RGS6: variants seen among roughly 807,000 people sequenced by gnomAD.
RGS6 encodes regulator of G-protein signaling 6.
In RGS6, 30 loss-of-function variants were observed where a neutral mutation model predicts 78.5. The ratio of observed to expected loss-of-function variants is 0.38; its 90% CI spans 0.29 to 0.52. The LOEUF (loss-of-function observed/expected upper bound fraction) is 0.52. RGS6 is among the 20% of genes least tolerant of loss of function. The pLI is 0.85. For synonymous variants in RGS6, 206 were observed against 206.0 expected (o/e 1.00, Z 0.00); for missense variants, 495 against 609.7 (o/e 0.81, Z 1.98).
intron 14 of RGS6, 152 bp downstream of exon 14, chr14:72,510,431 A>C (rs968711576): frequency 7.8e-5 from 74 of 953,626 alleles, no homozygotes; most frequent in Middle Eastern, 3.3e-4. Context: ...GAGAAGAACA[A>C]ATTAAAATAT....
At chr14:72,604,095 T>C in the RGS6 span, among the ~76,000 whole-genome samples, 1 of 152,176 alleles carries the variant, frequency 6.6e-6, no homozygotes, top group South Asian at 2.1e-4. Context: ...TCTCAGGCTC[T>C]TTTCTCACAG....
intron 1 of RGS6, among the ~76,000 whole-genome samples, chr14:71,940,099 A>T (rs774656444): frequency 6.6e-6 from 1 of 152,210 alleles, no homozygotes; most frequent in Non-Finnish European, 1.5e-5. Context: ...TCCATTAATT[A>T]TCTGACTTGC....
intron 2 of RGS6, among the ~76,000 whole-genome samples, chr14:72,059,364 C>G (rs34834873): frequency 0.27 from 41,436 of 152,108 alleles, 5,816 homozygotes; most frequent in South Asian, 0.39. Context: ...TAATATGGAA[C>G]AAGAGCAGGG....
At chr14:72,328,072 T>C (rs551518659) in intron 2 of RGS6, among the ~76,000 whole-genome samples, 58 of 152,314 alleles carry the variant, frequency 3.8e-4, no homozygotes, top group African/African-American at 1.3e-3. Context: ...GCAGCTCTGA[T>C]GTCCCAGGGC....
intron 15 of RGS6, among the ~76,000 whole-genome samples, chr14:72,531,423 C>A (rs1242200895): frequency 8.6e-5 from 11 of 127,254 alleles, no homozygotes. Flanking sequence ...GACAGCAAGA[C>A]TTTATCTCAA....
intron 2 of RGS6, among the ~76,000 whole-genome samples, chr14:72,027,249 A>T (rs1596297298): frequency 6.6e-6 from 1 of 151,636 alleles, no homozygotes; most frequent in South Asian, 2.1e-4. Flanking sequence ...GTGTGTGTGC[A>T]TGTGTGTATA....
chr14:72,126,393 C>T (rs2096193221), intron 2 of RGS6, among the ~76,000 whole-genome samples: 1 of 152,142 alleles, frequency 6.6e-6, no homozygotes, highest in South Asian at 2.1e-4. Flanking sequence ...GGAACCTCTC[C>T]CCACCATCTC....
intron 12 of RGS6, among the ~76,000 whole-genome samples, chr14:72,481,963 C>G (rs2096389821): frequency 6.6e-6 from 1 of 152,016 alleles, no homozygotes; most frequent in South Asian, 2.1e-4. Context: ...CACCTGCCAC[C>G]AAGCCTGGCT....
intron 2 of RGS6, among the ~76,000 whole-genome samples, chr14:72,264,633 G>A (rs987100558): frequency 6.6e-6 from 1 of 152,128 alleles, no homozygotes; most frequent in Admixed American, 6.6e-5. Flanking sequence ...TTGTCTTCAA[G>A]AACATAAATT....
At chr14:72,169,232 G>A (rs957528975) in intron 2 of RGS6, among the ~76,000 whole-genome samples, 1 of 152,182 alleles carries the variant, frequency 6.6e-6, no homozygotes, top group Non-Finnish European at 1.5e-5. Flanking sequence ...TTCGGGTGGA[G>A]TAATGATGTA....
the RGS6 span, among the ~76,000 whole-genome samples, chr14:71,879,078 A>G: frequency 1.3e-5 from 2 of 152,012 alleles, no homozygotes; most frequent in Non-Finnish European, 2.9e-5. Context: ...CAACCATGCA[A>G]TATGCTGATC....
At chr14:72,444,094 C>A (rs183379366) in intron 3 of RGS6, among the ~76,000 whole-genome samples, 51 of 152,296 alleles carry the variant, frequency 3.3e-4, no homozygotes, top group Non-Finnish European at 6.8e-4. Context: ...CCCACATCCT[C>A]TTGCAAATCA....
At position 72,297,906 on chromosome 14, in the gene RGS6, G is replaced by T. The variant is rs2065199001; in HGVS notation, c.85-54189G>T. Among the ~76,000 whole-genome samples, 8 of 151,662 alleles carry T rather than the reference G, an allele frequency of 5.3e-5. No homozygotes were observed. In the South Asian group the frequency reaches 1.7e-3, roughly 32 times the overall value. On this transcript the variant is annotated intron_variant, in intron 2 of 17. Coordinates refer to ENST00000553525, the MANE Select transcript of RGS6 (RefSeq NM_001204424.2). ...AAATAGTATTTTAACATGTTACATT[G>T]ATGAATTCTTTATGTAGAAGGTTTT...
chr14:72,370,521 C>T (rs927985657), intron 3 of RGS6, among the ~76,000 whole-genome samples: 37 of 152,036 alleles, frequency 2.4e-4, no homozygotes, highest in African/African-American at 8.7e-4. Context: ...CTTAACCGCA[C>T]GGGGAGGGGA....
intron 2 of RGS6, among the ~76,000 whole-genome samples, chr14:71,973,065 C>T (rs936535296): frequency 1.3e-5 from 2 of 152,156 alleles, no homozygotes; most frequent in Admixed American, 1.3e-4. Flanking sequence ...TCCACTAGCT[C>T]ATTTATGGCC....
intron 2 of RGS6, among the ~76,000 whole-genome samples, chr14:72,238,873 A>G (rs1055936503): frequency 3.3e-5 from 5 of 152,070 alleles, no homozygotes; most frequent in African/African-American, 4.8e-5. Context: ...TGTTCTGTAA[A>G]CTCAAGTTGT....
chr14:72,006,830 T>C (rs2084662911), intron 2 of RGS6, among the ~76,000 whole-genome samples: 2 of 152,200 alleles, frequency 1.3e-5, no homozygotes, highest in African/African-American at 4.8e-5. Flanking sequence ...AACTAAAATG[T>C]GATAGGACTT....
intron 2 of RGS6, among the ~76,000 whole-genome samples, chr14:72,238,932 C>T (rs113297826): frequency 2.6e-5 from 4 of 152,278 alleles, no homozygotes; most frequent in East Asian, 1.9e-4. Context: ...GGAAGGTGTC[C>T]GAGTTACTGG....
chr14:72,134,234 C>T (rs756483770), intron 2 of RGS6, among the ~76,000 whole-genome samples: 31 of 152,080 alleles, frequency 2.0e-4, no homozygotes, highest in Admixed American at 3.9e-4. Flanking sequence ...ATGTGTTGCC[C>T]ATCTCTGGAA....
Sources: gnomAD v4.1 joint callset for allele counts (sites outside exome capture counted in the v4.1 genomes callset) on GRCh38, gnomAD v4.1.1 for gene constraint, MANE v1.5 for transcripts, NCBI Gene and HGNC (gene_info 2026-07-23, HGNC 2026-07-21) for gene names.